ERC2: variants seen among roughly 807,000 people sequenced by gnomAD.
ERC2 encodes the protein ELKS/RAB6-interacting/CAST family member 2, also known as ERC protein 2.
ERC2 carries 42 observed loss-of-function variants against 114.8 expected under a neutral mutation model. The observed-to-expected ratio is 0.37, with a 90% CI of 0.29 to 0.47. ERC2 has a LOEUF of 0.47. Among genes scored for constraint, ERC2 ranks in the 20% least tolerant of loss-of-function variants. The probability of loss-of-function intolerance (pLI) is 0.99; values close to 1 mark genes in which losing one functional copy is unlikely to be tolerated. For missense variants in ERC2, 939 were observed against 1,150.7 expected, an observed-to-expected ratio of 0.82 and a Z score of 2.66; for synonymous variants, 454 against 425.5, an observed-to-expected ratio of 1.07 and a Z score of -0.82.
At chr3:55,790,501 G>A (rs866029020) in intron 14 of ERC2, among the ~76,000 whole-genome samples, 17 of 152,142 alleles carry the variant, frequency 1.1e-4, no homozygotes, top group South Asian at 4.1e-4. Context: ...AATTCTACTT[G>A]TGGGCTTCTT....
chr3:55,892,194 A>AT (rs1176082178), intron 13 of ERC2, among the ~76,000 whole-genome samples: 1 of 152,164 alleles, frequency 6.6e-6, no homozygotes, highest in African/African-American at 2.4e-5. Flanking sequence ...CAAGAAATTA[A>AT]TTTTTTTCTG....
intron 10 of ERC2, among the ~76,000 whole-genome samples, chr3:56,000,656 C>G (rs1027036386): frequency 1.3e-5 from 2 of 152,006 alleles, no homozygotes; most frequent in Non-Finnish European, 2.9e-5. Context: ...GGCCAGGGTG[C>G]GGCAGAAAGG....
intron 17 of ERC2, among the ~76,000 whole-genome samples, chr3:55,618,214 T>A (rs1257956913): frequency 6.6e-6 from 1 of 151,096 alleles, no homozygotes; most frequent in Non-Finnish European, 1.5e-5. Flanking sequence ...CCTATTGGAG[T>A]TAAATTGGAA....
chr3:56,406,511 A>T (rs1197822370), intron 2 of ERC2, among the ~76,000 whole-genome samples: 1 of 152,202 alleles, frequency 6.6e-6, no homozygotes, highest in African/African-American at 2.4e-5. Context: ...TGGCCTGTGG[A>T]GCACACAGGG....
chr3:55,683,269 A>G (rs1005264871), intron 17 of ERC2, among the ~76,000 whole-genome samples: 10 of 152,220 alleles, frequency 6.6e-5, no homozygotes, highest in African/African-American at 2.2e-4. Flanking sequence ...CAGAACTGCC[A>G]TAGAAGAGAT....
chr3:55,979,712 T>C (rs2069914626), intron 12 of ERC2, among the ~76,000 whole-genome samples: 2 of 151,006 alleles, frequency 1.3e-5, no homozygotes, highest in African/African-American at 4.9e-5. Flanking sequence ...GTTCTTGGAC[T>C]GGAAAAGGAG....
chr3:56,263,454 TAG>T (rs2053084079), intron 3 of ERC2, among the ~76,000 whole-genome samples: 3 of 151,736 alleles, frequency 2.0e-5, no homozygotes, highest in Non-Finnish European at 4.4e-5. Context: ...ATCTGCCCTA[TAG>T]CTGTGATCAG....
At chr3:56,446,665 T>C (rs1474548164) in intron 1 of ERC2, among the ~76,000 whole-genome samples, 1 of 124,760 alleles carries the variant, frequency 8.0e-6, no homozygotes, top group Non-Finnish European at 1.6e-5. Context: ...TCCCTCTGAC[T>C]CCCAGACTGG....
chr3:56,143,338 T>C, intron 5 of ERC2, among the ~76,000 whole-genome samples: 1 of 152,050 alleles, frequency 6.6e-6, no homozygotes, highest in East Asian at 1.9e-4. Flanking sequence ...CCTGATATGG[T>C]TTGGTTGTGT....
intron 12 of ERC2, among the ~76,000 whole-genome samples, chr3:55,958,236 G>C (rs902580783): frequency 3.9e-5 from 6 of 152,144 alleles, no homozygotes. Flanking sequence ...CTATCCACAG[G>C]CAGGTTGTCC....
At chr3:55,713,131 T>TCTCTCTCTCTCACA (rs1553638935) in intron 15 of ERC2, among the ~76,000 whole-genome samples, 10 of 139,328 alleles carry the variant, frequency 7.2e-5, no homozygotes, top group Non-Finnish European at 1.1e-4. Context: ...TCTCTCTGTC[T>TCTCTCTCTCTCACA]CACACACACA....
At chr3:56,376,779 G>T (rs1160411571) in intron 2 of ERC2, among the ~76,000 whole-genome samples, 1 of 145,442 alleles carries the variant, frequency 6.9e-6, no homozygotes, top group Admixed American at 6.9e-5. Flanking sequence ...AAAAAAAAAT[G>T]AGGTGAAAGA....
chr3:56,465,415 A>G (rs982454570), intron 1 of ERC2, among the ~76,000 whole-genome samples: 2 of 152,354 alleles, frequency 1.3e-5, no homozygotes, highest in African/African-American at 2.4e-5. Flanking sequence ...AATAAAAAAT[A>G]AAATAAAACA....
At chr3:56,188,518 C>T (rs1560334726) in intron 3 of ERC2, among the ~76,000 whole-genome samples, 1 of 152,178 alleles carries the variant, frequency 6.6e-6, no homozygotes, top group Non-Finnish European at 1.5e-5. Flanking sequence ...GCTGCAGACA[C>T]GTGCCACACT....
At chr3:56,343,697 G>C (rs2058193191) in intron 2 of ERC2, among the ~76,000 whole-genome samples, 1 of 152,158 alleles carries the variant, frequency 6.6e-6, no homozygotes, top group Non-Finnish European at 1.5e-5. Context: ...TAAGCTCATA[G>C]AGGACCAAAC....
intron 17 of ERC2, among the ~76,000 whole-genome samples, chr3:55,560,925 C>T (rs1040192181): frequency 2.6e-5 from 4 of 152,118 alleles, no homozygotes; most frequent in Non-Finnish European, 5.9e-5. Flanking sequence ...GCCCAGTAAG[C>T]CCCTAATATT....
chr3:56,448,079 G>A (rs1051465153), intron 1 of ERC2, among the ~76,000 whole-genome samples: 1 of 152,074 alleles, frequency 6.6e-6, no homozygotes, highest in Non-Finnish European at 1.5e-5. Flanking sequence ...GCACACCTGT[G>A]TTACCACTGT....
chr3:56,266,180 G>T (rs1377497930), intron 3 of ERC2, among the ~76,000 whole-genome samples: 1 of 140,050 alleles, frequency 7.1e-6, no homozygotes. Flanking sequence ...TCCCAGGCTG[G>T]AGTGCAGTGG....
intron 14 of ERC2, among the ~76,000 whole-genome samples, chr3:55,755,754 G>A (rs943775545): frequency 6.6e-6 from 1 of 152,242 alleles, no homozygotes; most frequent in Admixed American, 6.5e-5. Context: ...CTCTAAAAAT[G>A]TTGTAACAAT....
Sources: allele counts gnomAD v4.1 joint callset (sites outside exome capture counted in the v4.1 genomes callset), GRCh38; gene constraint gnomAD v4.1.1; transcripts MANE v1.5; gene names NCBI Gene and HGNC (gene_info 2026-07-23, HGNC 2026-07-21).